Variants in NAALADL2 observed in about 807,000 individuals in gnomAD.
The protein encoded by NAALADL2 is N-acetylated alpha-linked acidic dipeptidase like 2, also known as inactive N-acetylated-alpha-linked acidic dipeptidase-like protein 2.
Under a neutral mutation model 87.2 loss-of-function variants are expected in NAALADL2, and 76 were observed. The observed-to-expected ratio is 0.87, with a 90% CI of 0.72 to 1.05. The LOEUF (loss-of-function observed/expected upper bound fraction) is 1.05, where lower values mean the gene tolerates loss of function less well. Ranked by LOEUF, NAALADL2 falls within the 50% of genes least tolerant of loss-of-function variation. The probability of loss-of-function intolerance (pLI) is 0.00; values close to 1 mark genes in which losing one functional copy is unlikely to be tolerated. For synonymous variants in NAALADL2, 354 were observed against 331.0 expected, an observed-to-expected ratio of 1.07 and a Z score of -0.75; for missense variants, 1,089 against 945.8, an observed-to-expected ratio of 1.15 and a Z score of -1.99.
At chr3:174,924,891 TC>T (rs1470033334) in intron 1 of NAALADL2, among the ~76,000 whole-genome samples, 2 of 152,232 alleles carry the variant, frequency 1.3e-5, no homozygotes, top group African/African-American at 4.8e-5. Context: ...TCTGTTCATA[TC>T]CTTTGCCCAG....
chr3:174,492,270 CAA>C (rs755613812), intron 1 of NAALADL2, among the ~76,000 whole-genome samples: 2 of 110,708 alleles, frequency 1.8e-5, no homozygotes, highest in African/African-American at 3.3e-5. Flanking sequence ...GACTCCGTCT[CAA>C]AAAAAAAAAA....
At position 175,372,047 on chromosome 3, in the gene NAALADL2, C is replaced by A. The variant is rs561151983; in HGVS notation, c.1090+47722C>A. On this transcript the variant is annotated intron_variant, in intron 5 of 13. Coordinates refer to ENST00000454872, the MANE Select transcript of NAALADL2 (RefSeq NM_207015.3). ...CAAATATAATTACTCTAAAAAAAGT[C>A]CAGCCATAGCATCTTAGAGTTTAAA... Among the ~76,000 whole-genome samples, 77 of 152,228 alleles carry A rather than the reference C, an allele frequency of 5.1e-4. No individual in the cohort carries two copies. In the Middle Eastern group the frequency reaches 0.014, roughly 27 times the overall value.
At chr3:174,998,281 A>C (rs1028100396) in intron 1 of NAALADL2, among the ~76,000 whole-genome samples, 3 of 152,190 alleles carry the variant, frequency 2.0e-5, no homozygotes, top group Non-Finnish European at 4.4e-5. Flanking sequence ...AACATTTGTG[A>C]TCTATTCACT....
At chr3:175,384,955 C>T (rs1768199929) in intron 5 of NAALADL2, among the ~76,000 whole-genome samples, 1 of 151,914 alleles carries the variant, frequency 6.6e-6, no homozygotes, top group African/African-American at 2.4e-5. Context: ...ACTCTTGGGC[C>T]TTATTTAGGT....
intron 1 of NAALADL2, among the ~76,000 whole-genome samples, chr3:175,070,097 G>A (rs1471588828): frequency 6.7e-6 from 1 of 149,896 alleles, no homozygotes; most frequent in Non-Finnish European, 1.5e-5. Flanking sequence ...CACCAGCATG[G>A]CACATGTATA....
At chr3:175,207,407 C>T (rs1330958368) in intron 2 of NAALADL2, among the ~76,000 whole-genome samples, 2 of 152,046 alleles carry the variant, frequency 1.3e-5, no homozygotes, top group Non-Finnish European at 2.9e-5. Context: ...AGTTGGCTTT[C>T]GTTTCCAAAT....
intron 2 of NAALADL2, among the ~76,000 whole-genome samples, chr3:175,196,979 C>A (rs1453999499): frequency 3.3e-5 from 5 of 151,656 alleles, no homozygotes; most frequent in African/African-American, 1.2e-4. Flanking sequence ...TATGGTATTG[C>A]ACTAAAAAAT....
At chr3:175,524,665 G>C in intron 9 of NAALADL2, among the ~76,000 whole-genome samples, 1 of 152,064 alleles carries the variant, frequency 6.6e-6, no homozygotes, top group East Asian at 1.9e-4. Flanking sequence ...TATGGTTACA[G>C]TTATTAGTAT....
intron 1 of NAALADL2, among the ~76,000 whole-genome samples, chr3:174,464,700 C>T (rs1392389084): frequency 6.6e-6 from 1 of 151,652 alleles, no homozygotes; most frequent in African/African-American, 2.4e-5. Flanking sequence ...TGATTTTTGA[C>T]AATATTTTAA....
chr3:175,072,635 A>T (rs558953800), intron 1 of NAALADL2, among the ~76,000 whole-genome samples: 1 of 135,824 alleles, frequency 7.4e-6, no homozygotes, highest in Non-Finnish European at 1.5e-5. Flanking sequence ...GAGATGTCCA[A>T]TTGCTTTTCT....
At chr3:174,951,425 A>G (rs1259684381) in intron 1 of NAALADL2, among the ~76,000 whole-genome samples, 1 of 152,100 alleles carries the variant, frequency 6.6e-6, no homozygotes, top group East Asian at 1.9e-4. Flanking sequence ...ATGATCAAAA[A>G]AAGAGAAAAT....
intron 3 of NAALADL2, among the ~76,000 whole-genome samples, chr3:174,785,516 C>T (rs1354142004): frequency 6.6e-6 from 1 of 151,984 alleles, no homozygotes; most frequent in African/African-American, 2.4e-5. Flanking sequence ...TGTTTTTGTA[C>T]CATTACCATG....
At chr3:175,209,313 G>A (rs1195446098) in intron 2 of NAALADL2, among the ~76,000 whole-genome samples, 1 of 152,068 alleles carries the variant, frequency 6.6e-6, no homozygotes, top group African/African-American at 2.4e-5. Context: ...GCAGAGTCTG[G>A]AAGTGATGCT....
At chr3:175,748,022 G>A (rs1281451381) in intron 12 of NAALADL2, among the ~76,000 whole-genome samples, 1 of 151,638 alleles carries the variant, frequency 6.6e-6, no homozygotes, top group Non-Finnish European at 1.5e-5. Flanking sequence ...TTTTTTTAAA[G>A]TAACCAGTAT....
intron 5 of NAALADL2, chr3:175,369,415 T>C (rs547062907): frequency 6.6e-6 from 1 of 150,966 alleles, no homozygotes; most frequent in African/African-American, 2.5e-5. Flanking sequence ...CAAGTATGTG[T>C]GTGCCTGTGT....
intron 2 of NAALADL2, among the ~76,000 whole-genome samples, chr3:174,650,376 T>C (rs558482350): frequency 2.6e-5 from 4 of 152,284 alleles, no homozygotes; most frequent in African/African-American, 9.6e-5. Context: ...CCACAGCTTA[T>C]GTAAGCATAT....
intron 9 of NAALADL2, among the ~76,000 whole-genome samples, chr3:175,498,703 C>T (rs1490230047): frequency 6.6e-6 from 1 of 151,926 alleles, no homozygotes; most frequent in African/African-American, 2.4e-5. Flanking sequence ...ATTGTCCTTC[C>T]TGCTGATTTA....
chr3:174,839,423 G>T (rs768451353), intron 3 of NAALADL2, among the ~76,000 whole-genome samples: 3 of 152,090 alleles, frequency 2.0e-5, no homozygotes, highest in Admixed American at 6.6e-5. Flanking sequence ...CCCTTCTAGA[G>T]ATTGGCTTAG....
At chr3:174,895,558 G>GC (rs1420943579) in intron 1 of NAALADL2, among the ~76,000 whole-genome samples, 1 of 152,022 alleles carries the variant, frequency 6.6e-6, no homozygotes, top group Non-Finnish European at 1.5e-5. Context: ...GTAAAGAAAA[G>GC]CCTGGGACCT....
Sources: allele counts gnomAD v4.1 joint callset (sites outside exome capture counted in the v4.1 genomes callset), GRCh38; gene constraint gnomAD v4.1.1; transcripts MANE v1.5; gene names NCBI Gene and HGNC (gene_info 2026-07-23, HGNC 2026-07-21).